Variants in SLC7A7 observed in about 807,000 individuals in gnomAD.
SLC7A7 encodes solute carrier family 7 member 7, also known as Y+L amino acid transporter 1.
A neutral mutation model predicts 47.9 loss-of-function variants in SLC7A7; 39 were observed. The ratio of observed to expected loss-of-function variants is 0.81; its 90% CI spans 0.63 to 1.06. The LOEUF is 1.06. SLC7A7 is among the 50% of genes least tolerant of loss of function. SLC7A7 has a pLI of 0.00. For missense variants in SLC7A7, 588 were observed against 632.0 expected, an observed-to-expected ratio of 0.93 and a Z score of 0.75; for synonymous variants, 234 against 242.8, an observed-to-expected ratio of 0.96 and a Z score of 0.34.
chr14:22,813,479 G>A (rs1234854052), intron 1 of SLC7A7, 39 bp from the exon 2 acceptor site: 2 of 1,571,818 alleles, frequency 1.3e-6, no homozygotes, highest in East Asian at 2.2e-5. Flanking sequence ...TTAGGTGGTT[G>A]GCAATTACAT....
At chr14:22,779,897 G>T (rs1774436378) in intron 3 of SLC7A7, 29 bp downstream of exon 3, 6 of 1,606,928 alleles carry the variant, frequency 3.7e-6, no homozygotes, top group Non-Finnish European at 5.1e-6. Context: ...GCTTAAAAAA[G>T]ATTAGTTGCT....
At chr14:22,776,039 T>C (rs1359324674) in intron 5 of SLC7A7, 103 bp from the exon 6 acceptor site, 25 of 1,420,926 alleles carry the variant, frequency 1.8e-5, no homozygotes, top group Non-Finnish European at 2.5e-5. Flanking sequence ...CCAACCTTTC[T>C]TCCACAGTGG....
rs60658611 is a variant in SLC7A7, at chr14:22,775,092, G to GACACACACAC, written c.1095+342_1095+351dup. On this transcript the variant is annotated intron_variant, in intron 7 of 9. Coordinates refer to ENST00000674313, the MANE Select transcript of SLC7A7 (RefSeq NM_003982.4). The stretch of plus-strand genomic sequence containing the variant: ...CTGAGAACACTTTGGTGGATTTTAA[G>GACACACACAC]ACACACACACACACTTCTAGATGTA... Among the ~76,000 whole-genome samples the GACACACACAC allele has an allele frequency of 1.7e-3, 252 of 151,630 alleles. 1 individual carries two copies. The highest frequency in any genetic ancestry group is 3.4e-3 in the Middle Eastern group (1 of 294).
intron 5 of SLC7A7, 47 bp from the exon 6 acceptor site, chr14:22,775,983 G>T (rs1566440503): frequency 6.6e-7 from 1 of 1,509,062 alleles, no homozygotes; most frequent in Non-Finnish European, 9.2e-7. Flanking sequence ...TAAAAGGGAT[G>T]AAAGACATGG....
chr14:22,790,327 CAAAAAAAAAAAA>C (rs538548693), intron 2 of SLC7A7, among the ~76,000 whole-genome samples: 5 of 83,198 alleles, frequency 6.0e-5, no homozygotes, highest in African/African-American at 2.2e-4. Flanking sequence ...AAGACTGTCT[CAAAAAAAAAAAA>C]AAAAAAAAAA....
At position 22,788,911 on chromosome 14, in the gene SLC7A7, T is replaced by C. The variant is rs373801388; in HGVS notation, c.500-8860A>G. 1.3e-5 allele frequency among the ~76,000 whole-genome samples: 2 copies of C among 151,980 alleles called. 1 individual carries two copies. Among genetic ancestry groups the C allele is most frequent in the African/African-American group, 4.8e-5 (2 of 41,366 alleles). ...GGAGAGGCAGGGACTGGGAAGAGCA[T>C]AAGAAGGGCTCAAGGGTGCTAGTTA... On this transcript the variant is annotated intron_variant, in intron 2 of 9. Coordinates refer to ENST00000674313, the MANE Select transcript of SLC7A7 (RefSeq NM_003982.4).
intron 1 of SLC7A7, among the ~76,000 whole-genome samples, chr14:22,814,290 C>G (rs955627731): frequency 4.0e-5 from 6 of 151,482 alleles, no homozygotes; most frequent in Non-Finnish European, 7.4e-5. Context: ...TCGAGACCAG[C>G]CTGACCAACA....
intron 2 of SLC7A7, among the ~76,000 whole-genome samples, chr14:22,811,152 C>T (rs1339810069): frequency 6.6e-6 from 1 of 152,164 alleles, no homozygotes; most frequent in Middle Eastern, 3.2e-3. Flanking sequence ...CAGTTCTCTA[C>T]ACAACAGTAA....
chr14:22,809,621 G>A (rs1299969250), intron 2 of SLC7A7, among the ~76,000 whole-genome samples: 7 of 151,988 alleles, frequency 4.6e-5, no homozygotes, highest in African/African-American at 7.2e-5. Context: ...GATTCCAGGC[G>A]TGAGCCACCA....
At chr14:22,775,768 C>T (rs961921504) in intron 6 of SLC7A7, 65 bp downstream of exon 6, 1 of 1,188,562 alleles carries the variant, frequency 8.4e-7, no homozygotes, top group African/African-American at 1.5e-5. Flanking sequence ...AGGCTGGGTC[C>T]TGTAAGTTCT....
chr14:22,786,705 T>G (rs7150679), intron 2 of SLC7A7, among the ~76,000 whole-genome samples: 137,124 of 152,244 alleles, frequency 0.9, 62,026 homozygotes, highest in East Asian at 0.97. Context: ...AGGCCGAGGT[T>G]GGAGGATCGC....
At chr14:22,817,530 G>A (rs960777347), upstream of SLC7A7, among the ~76,000 whole-genome samples, 7 of 152,022 alleles carry the variant, frequency 4.6e-5, no homozygotes, top group Non-Finnish European at 1.0e-4. Context: ...TAGTAGAGTC[G>A]GGGTTTCACC....
At chr14:22,809,416 C>A (rs968800946) in intron 2 of SLC7A7, among the ~76,000 whole-genome samples, 1 of 151,370 alleles carries the variant, frequency 6.6e-6, no homozygotes, top group Admixed American at 6.6e-5. Flanking sequence ...TCTCTGCTCA[C>A]TGCAACCTCT....
At chr14:22,802,004 TA>T (rs1435706967) in intron 2 of SLC7A7, among the ~76,000 whole-genome samples, 1 of 152,216 alleles carries the variant, frequency 6.6e-6, no homozygotes, top group Admixed American at 6.5e-5. Flanking sequence ...ATGCTAAAAA[TA>T]AATTCCAAAT....
At chr14:22,803,065 CA>C (rs1481894236) in intron 2 of SLC7A7, among the ~76,000 whole-genome samples, 1 of 152,136 alleles carries the variant, frequency 6.6e-6, no homozygotes, top group Non-Finnish European at 1.5e-5. Flanking sequence ...AGTCCTTATT[CA>C]CATATGTTTA....
chr14:22,813,607 GTCTA>G (rs1280673651), intron 1 of SLC7A7, among the ~76,000 whole-genome samples, 167 bp from the exon 2 acceptor site: 4 of 152,022 alleles, frequency 2.6e-5, no homozygotes, highest in African/African-American at 7.2e-5. Flanking sequence ...TTGAATATTT[GTCTA>G]TCTATCTATG....
intron 2 of SLC7A7, among the ~76,000 whole-genome samples, chr14:22,802,739 C>T (rs2139439326): frequency 1.3e-5 from 2 of 152,254 alleles, no homozygotes; most frequent in South Asian, 2.1e-4. Flanking sequence ...AGCCTTGTCC[C>T]CTAAGTTCCA....
intron 1 of SLC7A7, 108 bp downstream of exon 1, chr14:22,815,212 T>C: frequency 2.7e-6 from 1 of 376,732 alleles, no homozygotes; most frequent in South Asian, 1.9e-5. Context: ...TGGAGAGATG[T>C]TAGGGTGAGA....
In SLC7A7 at chr14:22,773,922, G is replaced by T; in HGVS notation, c.1429+11C>A. 1 of 1,613,814 alleles carries T rather than the reference G, an allele frequency of 6.2e-7. No individual in the cohort carries two copies. The highest frequency in any genetic ancestry group is 1.3e-5 in the African/African-American group (1 of 75,066). On this transcript the variant is annotated intron_variant, in intron 9 of 9. Transcript: ENST00000674313. ...GCAATAGCTGAGCGGACTTAAGGAT[G>T]CACGGCTTACCCACGATCCTTCGGA...
Sources: gnomAD v4.1 joint callset for allele counts (sites outside exome capture counted in the v4.1 genomes callset) on GRCh38, gnomAD v4.1.1 for gene constraint, MANE v1.5 for transcripts, NCBI Gene and HGNC (gene_info 2026-07-23, HGNC 2026-07-21) for gene names.